Variants in YKT6 observed in about 807,000 individuals in gnomAD.
The protein encoded by YKT6 is synaptobrevin homolog YKT6.
YKT6 carries 12 observed loss-of-function variants against 29.3 expected under a neutral mutation model. The ratio of observed to expected loss-of-function variants is 0.41; its 90% CI spans 0.26 to 0.66. The LOEUF is 0.66. YKT6 is among the 30% of genes least tolerant of loss of function. The pLI is 0.32. For synonymous variants in YKT6, 86 were observed against 94.3 expected (o/e 0.91, Z 0.51); for missense variants, 188 against 243.8 (o/e 0.77, Z 1.52).
intron 5 of YKT6, among the ~76,000 whole-genome samples, chr7:44,210,448 A>G (rs1020529116): frequency 6.6e-6 from 1 of 152,158 alleles, no homozygotes; most frequent in African/African-American, 2.4e-5. Flanking sequence ...TTACCAGGAC[A>G]TCAGTCATGG....
At position 44,213,869 on chromosome 7, in the gene YKT6, C is replaced by G. The variant is rs990075908; in HGVS notation, c.*1587C>G. ...AGGACTTTAGCCTACCCCTGAAGAG[C>G]CTGTCCATGTCATTTTCCTACTGCC... On this transcript the variant is annotated 3_prime_UTR_variant, in exon 7 of 7. Coordinates refer to ENST00000223369, the MANE Select transcript of YKT6 (RefSeq NM_006555.4). The G allele has an allele frequency of 6.6e-6, 1 of 152,216 alleles. No individual in the cohort carries two copies. Among genetic ancestry groups the G allele is most frequent in the Non-Finnish European group, 1.5e-5 (1 of 68,082 alleles). The allele number at this position is 152,216 out of a possible 1,614,324, so 9.4% of individuals were successfully genotyped here. A position where few individuals can be genotyped will look rare whatever the true frequency, so the allele number is the denominator to read the frequency against.
intron 1 of YKT6, among the ~76,000 whole-genome samples, chr7:44,202,172 T>A (rs2096336440): frequency 6.6e-6 from 1 of 152,110 alleles, no homozygotes; most frequent in South Asian, 2.1e-4. Flanking sequence ...TCAGTGCAGC[T>A]GGTTCTTGAT....
At chr7:44,206,820 C>T (rs760115901) in intron 3 of YKT6, among the ~76,000 whole-genome samples, 1 of 152,172 alleles carries the variant, frequency 6.6e-6, no homozygotes, top group African/African-American at 2.4e-5. Flanking sequence ...CTTCACTCTC[C>T]CCATTGCCTC....
intron 1 of YKT6, 37 bp downstream of exon 1, chr7:44,201,276 C>A: frequency 7.3e-7 from 1 of 1,361,690 alleles, no homozygotes; most frequent in Non-Finnish European, 9.8e-7. Flanking sequence ...GGCGGTCGGG[C>A]GGAGAGGACT....
rs2096347768 is a variant in YKT6, at chr7:44,212,359, CAGCCATAGACGAGG to C, written c.*83_*96del. 1 of 1,572,920 alleles carries C rather than the reference CAGCCATAGACGAGG, an allele frequency of 6.4e-7. No homozygotes were observed. The highest frequency in any genetic ancestry group is 1.4e-5 in the African/African-American group (1 of 74,070). On this transcript the variant is annotated 3_prime_UTR_variant, in exon 7 of 7. Coordinates refer to ENST00000223369, the MANE Select transcript of YKT6 (RefSeq NM_006555.4). Reference sequence around the variant, plus strand: ...ACTGCAGCCCCTGGAAAAGAAGAGACAGCCATAGACGAGGAGCCAGAGTGGGGGCAGACTGGCCA... The same window carrying C: ...ACTGCAGCCCCTGGAAAAGAAGAGACAGCCAGAGTGGGGGCAGACTGGCCA...
intron 5 of YKT6, among the ~76,000 whole-genome samples, chr7:44,209,339 G>T (rs575722979): frequency 6.6e-6 from 1 of 152,170 alleles, no homozygotes; most frequent in South Asian, 2.1e-4. Context: ...TCCAAATAAC[G>T]TGGCTTTGGA....
intron 3 of YKT6, 98 bp downstream of exon 3, chr7:44,206,583 G>C: frequency 9.4e-7 from 1 of 1,058,824 alleles, no homozygotes; most frequent in Non-Finnish European, 1.5e-6. Flanking sequence ...CATAAGGGAT[G>C]AAATGATGTG....
intron 1 of YKT6, among the ~76,000 whole-genome samples, chr7:44,202,993 T>C (rs2096337411): frequency 6.6e-6 from 1 of 152,176 alleles, no homozygotes; most frequent in African/African-American, 2.4e-5. Context: ...CCTCACCTGC[T>C]TGGGATGCCC....
intron 5 of YKT6, chr7:44,208,399 G>A: frequency 1.8e-6 from 1 of 545,030 alleles, no homozygotes; most frequent in South Asian, 2.2e-5. Flanking sequence ...GGCACCCATT[G>A]TTTCTAGGGG....
chr7:44,211,435 C>A, intron 6 of YKT6: 2 of 731,270 alleles, frequency 2.7e-6, no homozygotes, highest in Non-Finnish European at 1.8e-6. Flanking sequence ...AAGTTCTGAT[C>A]ACCAGAGATT....
chr7:44,212,051 C>T (rs986789734), intron 6 of YKT6, among the ~76,000 whole-genome samples, 196 bp from the exon 7 acceptor site: 2 of 152,166 alleles, frequency 1.3e-5, no homozygotes, highest in East Asian at 1.9e-4. Flanking sequence ...TTTTGGAAGC[C>T]GGGGCCCGCC....
chr7:44,206,787 C>T (rs980135771), intron 3 of YKT6, among the ~76,000 whole-genome samples: 1 of 152,168 alleles, frequency 6.6e-6, no homozygotes, highest in Non-Finnish European at 1.5e-5. Context: ...TGCTTCTGCT[C>T]AAGGAGTCTC....
rs1165406645 is a variant in YKT6, at chr7:44,212,383, G to GTC, written c.*101_*102insTC. The GTC allele has an allele frequency of 1.4e-6, 2 of 1,477,672 alleles. No individual in the cohort carries two copies. 91.5% of individuals were successfully genotyped at this position (1,477,672 alleles called of 1,614,324 possible). ...ACAGCCATAGACGAGGAGCCAGAGT[G>GTC]GGGGCAGACTGGCCATTTTTATTTT... On this transcript the variant is annotated 3_prime_UTR_variant, in exon 7 of 7. Transcript: ENST00000223369.
At chr7:44,209,687 A>G (rs566993392) in intron 5 of YKT6, among the ~76,000 whole-genome samples, 9 of 152,168 alleles carry the variant, frequency 5.9e-5, no homozygotes, top group East Asian at 1.9e-4. Context: ...TCCTTGTTCT[A>G]TGGCGCTTCA....
Position 44,208,208 on chromosome 7 carries a change from AAGATGGAG to A in YKT6, c.459+13_459+20del. On this transcript the variant is annotated intron_variant, in intron 5 of 6. Coordinates refer to ENST00000223369, the MANE Select transcript of YKT6 (RefSeq NM_006555.4). ...GACCAAAATCATTCTGGTAAGCAGG[AAGATGGAG>A]AGCAAGCCCAAGAACTGAGGCGGGG... 2 of 1,613,908 alleles carry A rather than the reference AAGATGGAG, an allele frequency of 1.2e-6. No individual in the cohort carries two copies. Among genetic ancestry groups the A allele is most frequent in the Non-Finnish European group, 1.7e-6 (2 of 1,179,898 alleles).
Position 44,201,120 on chromosome 7 carries a change from C to G in YKT6, c.-16C>G, listed in dbSNP as rs762509773. On this transcript the variant is annotated 5_prime_UTR_variant, in exon 1 of 7. Transcript: ENST00000223369. Reference sequence around the variant, plus strand: ...TCCCGCAGCTGGGCAGGCGGGCGGCCTGAGGGCGCGGAGCCATGAAGCTGT... The same window carrying G: ...TCCCGCAGCTGGGCAGGCGGGCGGCGTGAGGGCGCGGAGCCATGAAGCTGT... 382 of 1,564,346 alleles carry G rather than the reference C, an allele frequency of 2.4e-4. No individual in the cohort carries two copies. Among genetic ancestry groups the G allele is most frequent in the Non-Finnish European group, 3.2e-4 (373 of 1,159,044 alleles).
chr7:44,201,925 C>T (rs557958960), intron 1 of YKT6, among the ~76,000 whole-genome samples: 1 of 152,286 alleles, frequency 6.6e-6, no homozygotes, highest in African/African-American at 2.4e-5. Flanking sequence ...AAAAGGATTC[C>T]ACACGGAAGA....
At position 44,201,014 on chromosome 7, in the gene YKT6, C is replaced by G; in HGVS notation, c.-122C>G. Reference sequence around the variant, plus strand: ...CAGGAGGAGGAAGCCGGCGGTGGCCCCGTCAGCAGCCGGCTGCTGAGAGGC... The same window carrying G: ...CAGGAGGAGGAAGCCGGCGGTGGCCGCGTCAGCAGCCGGCTGCTGAGAGGC... On this transcript the variant is annotated 5_prime_UTR_variant, in exon 1 of 7. Coordinates refer to ENST00000223369, the MANE Select transcript of YKT6 (RefSeq NM_006555.4). 1 of 745,292 alleles carries G rather than the reference C, an allele frequency of 1.3e-6. No homozygotes were observed. The allele number at this position is 745,292 out of a possible 1,614,324, so 46.2% of individuals were successfully genotyped here. A position where few individuals can be genotyped will look rare whatever the true frequency, so the allele number is the denominator to read the frequency against.
At chr7:44,207,788 G>A (rs749228073) in intron 4 of YKT6, among the ~76,000 whole-genome samples, 2 of 151,830 alleles carry the variant, frequency 1.3e-5, no homozygotes, top group Admixed American at 1.3e-4. Flanking sequence ...GTGCAGTGGC[G>A]CAATCTCGGC....
Sources: gnomAD v4.1 joint callset for allele counts (sites outside exome capture counted in the v4.1 genomes callset) on GRCh38, gnomAD v4.1.1 for gene constraint, MANE v1.5 for transcripts, NCBI Gene and HGNC (gene_info 2026-07-23, HGNC 2026-07-21) for gene names.